CACNA2D1: variants seen among roughly 807,000 people sequenced by gnomAD.
CACNA2D1 encodes the protein voltage-dependent calcium channel subunit alpha-2/delta-1.
CACNA2D1 carries 53 observed loss-of-function variants against 171.5 expected under a neutral mutation model. The observed-to-expected ratio is 0.31, with a 90% confidence interval of 0.25 to 0.39. The LOEUF is 0.39. Ranked by LOEUF, CACNA2D1 falls within the 10% of genes least tolerant of loss-of-function variation. The pLI, the probability that CACNA2D1 is intolerant of heterozygous loss-of-function variation, is 1.00. For missense variants in CACNA2D1, 903 were observed against 1,299.8 expected, an observed-to-expected ratio of 0.69 and a Z score of 4.69; for synonymous variants, 442 against 443.1, an observed-to-expected ratio of 1.00 and a Z score of 0.03.
At chr7:82,092,988 A>G (rs1267957902) in intron 6 of CACNA2D1, among the ~76,000 whole-genome samples, 2 of 151,282 alleles carry the variant, frequency 1.3e-5, no homozygotes, top group Non-Finnish European at 2.9e-5. Context: ...ACTCCAAATT[A>G]AAGTGTGTGG....
At chr7:82,374,032 G>A (rs1386894838) in intron 1 of CACNA2D1, among the ~76,000 whole-genome samples, 1 of 152,232 alleles carries the variant, frequency 6.6e-6, no homozygotes, top group African/African-American at 2.4e-5. Context: ...TCTGTTGCCA[G>A]CTAAAGGTTG....
At chr7:82,241,478 C>T (rs983928298) in intron 3 of CACNA2D1, among the ~76,000 whole-genome samples, 1 of 152,082 alleles carries the variant, frequency 6.6e-6, no homozygotes, top group African/African-American at 2.4e-5. Flanking sequence ...AAAGCCAATA[C>T]CCCACAATGA....
intron 4 of CACNA2D1, among the ~76,000 whole-genome samples, chr7:82,145,240 T>A (rs1284480418): frequency 7.2e-6 from 1 of 139,522 alleles, no homozygotes; most frequent in African/African-American, 2.6e-5. Context: ...AAAATATAAA[T>A]TATATAAATA....
At chr7:82,380,313 T>C (rs971644870) in intron 1 of CACNA2D1, among the ~76,000 whole-genome samples, 10 of 152,174 alleles carry the variant, frequency 6.6e-5, no homozygotes, top group African/African-American at 2.4e-4. Flanking sequence ...TAATTCATAA[T>C]ATCAACTTTA....
intron 10 of CACNA2D1, among the ~76,000 whole-genome samples, chr7:82,052,817 T>C (rs1805341122): frequency 6.6e-6 from 1 of 152,210 alleles, no homozygotes; most frequent in Non-Finnish European, 1.5e-5. Context: ...ACTCCAGTTC[T>C]TTCTCTTTTC....
intron 3 of CACNA2D1, among the ~76,000 whole-genome samples, chr7:82,289,820 A>G (rs1811297643): frequency 6.6e-6 from 1 of 152,270 alleles, no homozygotes; most frequent in Admixed American, 6.5e-5. Flanking sequence ...GGCATATGCC[A>G]GTGATCAGTA....
chr7:81,979,475 C>A (rs1054068108), intron 24 of CACNA2D1, among the ~76,000 whole-genome samples: 15 of 152,050 alleles, frequency 9.9e-5, no homozygotes, highest in African/African-American at 3.1e-4. Flanking sequence ...TATAGTGAAG[C>A]TGAGAAAGCC....
chr7:81,957,262 ATATTGAATAT>A (rs1316081957), intron 38 of CACNA2D1, among the ~76,000 whole-genome samples: 1 of 152,060 alleles, frequency 6.6e-6, no homozygotes, highest in African/African-American at 2.4e-5. Flanking sequence ...TTTTACATAA[ATATTGAATAT>A]GTTTCATTTA....
chr7:82,413,897 A>G (rs960403522), intron 1 of CACNA2D1, among the ~76,000 whole-genome samples: 2 of 152,140 alleles, frequency 1.3e-5, no homozygotes, highest in Non-Finnish European at 2.9e-5. Flanking sequence ...ACCATGAATT[A>G]TTTTATTAAT....
At chr7:82,022,921 T>G (rs1338431136) in intron 12 of CACNA2D1, among the ~76,000 whole-genome samples, 4 of 151,966 alleles carry the variant, frequency 2.6e-5, no homozygotes, top group Non-Finnish European at 5.9e-5. Context: ...ACTAGTTATT[T>G]TGAAATTTTT....
chr7:82,437,957 C>G (rs1157766344), intron 1 of CACNA2D1, among the ~76,000 whole-genome samples: 1 of 152,034 alleles, frequency 6.6e-6, no homozygotes, highest in African/African-American at 2.4e-5. Flanking sequence ...AATAAAACTG[C>G]TTAGTATGTA....
chr7:82,181,664 G>C (rs375778988), intron 3 of CACNA2D1, among the ~76,000 whole-genome samples: 43 of 152,184 alleles, frequency 2.8e-4, no homozygotes, highest in African/African-American at 1.0e-3. Flanking sequence ...CATATCTGAG[G>C]GAAATAAAAC....
At chr7:82,148,851 G>A (rs975530016) in intron 4 of CACNA2D1, among the ~76,000 whole-genome samples, 1 of 152,100 alleles carries the variant, frequency 6.6e-6, no homozygotes, top group Non-Finnish European at 1.5e-5. Context: ...TGGCCAGGCT[G>A]GTCTCAAACT....
chr7:82,405,503 G>T (rs957203660), intron 1 of CACNA2D1, among the ~76,000 whole-genome samples: 4 of 152,124 alleles, frequency 2.6e-5, no homozygotes, highest in Non-Finnish European at 4.4e-5. Flanking sequence ...TCTTACAGGA[G>T]GCTACTGAGT....
intron 1 of CACNA2D1, among the ~76,000 whole-genome samples, chr7:82,395,893 G>T (rs1362097134): frequency 1.3e-5 from 2 of 152,078 alleles, no homozygotes; most frequent in Admixed American, 6.6e-5. Context: ...AATAAAATGG[G>T]CATAAAACAC....
chr7:82,425,504 T>C (rs1025479089), intron 1 of CACNA2D1, among the ~76,000 whole-genome samples: 1 of 151,506 alleles, frequency 6.6e-6, no homozygotes, highest in Non-Finnish European at 1.5e-5. Context: ...AATAAATAAA[T>C]AAATTTACAT....
chr7:82,039,503 A>G (rs756274280), intron 10 of CACNA2D1, among the ~76,000 whole-genome samples: 2 of 152,208 alleles, frequency 1.3e-5, no homozygotes, highest in African/African-American at 2.4e-5. Context: ...TCGTCTTTGC[A>G]AATGCTCTGC....
At chr7:82,395,207 A>C (rs1458530265) in intron 1 of CACNA2D1, among the ~76,000 whole-genome samples, 1 of 152,070 alleles carries the variant, frequency 6.6e-6, no homozygotes, top group Non-Finnish European at 1.5e-5. Flanking sequence ...TTAAAAAAAA[A>C]ACACAAAAAA....
intron 1 of CACNA2D1, among the ~76,000 whole-genome samples, chr7:82,385,952 A>G (rs1030186110): frequency 1.3e-5 from 2 of 152,196 alleles, no homozygotes; most frequent in Non-Finnish European, 2.9e-5. Flanking sequence ...GGCGTGAACC[A>G]CCATGCCCAG....
Sources: gnomAD v4.1 joint callset for allele counts (sites outside exome capture counted in the v4.1 genomes callset) on GRCh38, gnomAD v4.1.1 for gene constraint, MANE v1.5 for transcripts, NCBI Gene and HGNC (gene_info 2026-07-23, HGNC 2026-07-21) for gene names.